The following STOML1 variants were observed in gnomAD, a reference collection of about 807,000 sequenced individuals.
STOML1 encodes the protein stomatin like 1, also known as stomatin-like protein 1.
In STOML1, 27 loss-of-function variants were observed where a neutral mutation model predicts 35.7. The ratio of observed to expected loss-of-function variants is 0.76; its 90% CI spans 0.56 to 1.04. The LOEUF is 1.04. Among genes scored for constraint, STOML1 ranks in the 50% least tolerant of loss-of-function variants. The pLI is 0.00. For missense variants in STOML1, 451 were observed against 527.1 expected, an observed-to-expected ratio of 0.86 and a Z score of 1.41; for synonymous variants, 219 against 227.9, an observed-to-expected ratio of 0.96 and a Z score of 0.35.
At chr15:73,989,752 T>C (rs758137550) in intron 2 of STOML1, among the ~76,000 whole-genome samples, 2 of 152,180 alleles carry the variant, frequency 1.3e-5, no homozygotes, top group African/African-American at 2.4e-5. Flanking sequence ...CAAGGTCACA[T>C]GGCATTTGTT....
rs2069039421 is a variant in STOML1 at position 73,984,839 on chromosome 15, G to A, written c.823C>T (p.Pro275Ser). Residue 275 changes from proline (P) to serine (S), a missense_variant, in exon 6 of 7, where the codon CCA (proline) becomes TCA (serine). Transcript: ENST00000541638. ...CTGGCACCAACTTGAGGGGCAGGTG[G>A]CTCAACTTCACTCACCATCTCCACG... is the stretch of plus-strand genomic sequence containing the variant. The part of the protein sequence containing the change: ...DTVEMVSEVE[P>S]PAPQVGARSS... 2 of 1,614,078 alleles carry A rather than the reference G, an allele frequency of 1.2e-6. No individual in the cohort carries two copies. The highest frequency in any genetic ancestry group is 4.5e-5 in the East Asian group (2 of 44,882).
In STOML1 at chr15:73,980,937, C is replaced by T. The variant is rs2068953498; in HGVS notation, c.*3000G>A. Reference sequence around the variant, plus strand: ...GTGGCACAACCTGTGGTCCCAGCTACTCAGGAAGCTGAGGCAAGAGGATCG... The same window carrying T: ...GTGGCACAACCTGTGGTCCCAGCTATTCAGGAAGCTGAGGCAAGAGGATCG... On this transcript the variant is annotated 3_prime_UTR_variant, in exon 7 of 7. Transcript: ENST00000541638. The T allele has an allele frequency of 6.6e-6, 1 of 152,124 alleles. No homozygotes were observed. Among genetic ancestry groups the T allele is most frequent in the Non-Finnish European group, 1.5e-5 (1 of 68,054 alleles). The allele number at this position is 152,124 out of a possible 1,614,324, so 9.4% of individuals were successfully genotyped here. A position where few individuals can be genotyped will look rare whatever the true frequency, so the allele number is the denominator to read the frequency against.
rs899547226 is a variant in STOML1, at chr15:73,988,522, C to T, written c.594+77G>A. ...AACTGAGGCCCAGAGTGGTCTGACT[C>T]TTTTCTCAAAGTGACCTGGCAGGTG... On this transcript the variant is annotated intron_variant, in intron 4 of 6. Transcript: ENST00000541638. This position sits in a 1 kb window ranked among gnomAD's most constrained non-coding sequence, Gnocchi z 4.8. The T allele has an allele frequency of 1.6e-5, 25 of 1,564,062 alleles. No individual in the cohort carries two copies. Among genetic ancestry groups the T allele is most frequent in the African/African-American group, 4.1e-5 (3 of 73,844 alleles).
rs2069035674 is a variant in STOML1, at chr15:73,984,771, A to G, written c.891T>C (p.Ala297=). ...KQPLAEGLLT[A]LQPFLSEALV... ...GGGCCTCAGACAGGAAGGGCTGTAG[A>G]GCAGTCAGTAGCCCCTCCGCCAGAG... Residue 297 remains alanine (A), a synonymous_variant, in exon 6 of 7, where the codon GCT becomes GCC. Coordinates refer to ENST00000541638, the MANE Select transcript of STOML1 (RefSeq NM_004809.5). The G allele has an allele frequency of 1.2e-6, 2 of 1,613,948 alleles. No individual in the cohort carries two copies. Among genetic ancestry groups the G allele is most frequent in the Non-Finnish European group, 1.7e-6 (2 of 1,180,038 alleles).
rs1346291416 is a variant in STOML1 at position 73,979,203 on chromosome 15, C to T, written c.*4734G>A. ...GCGGTTATGGAAAGGTCAGTGGCTGCTCAAAGCTGGAGGTGGCAAGCACTG... is the reference window on the plus strand; with the variant it reads ...GCGGTTATGGAAAGGTCAGTGGCTGTTCAAAGCTGGAGGTGGCAAGCACTG... On this transcript the variant is annotated 3_prime_UTR_variant, in exon 7 of 7. Transcript: ENST00000541638. 1.3e-5 allele frequency: 2 copies of T among 152,154 alleles called. No individual in the cohort carries two copies. The highest frequency in any genetic ancestry group is 4.8e-5 in the African/African-American group (2 of 41,422). 9.4% of individuals were successfully genotyped at this position (152,154 alleles called of 1,614,324 possible).
rs991550321 is a variant in STOML1 at position 73,983,169 on chromosome 15, C to G, written c.*768G>C. The G allele has an allele frequency of 3.9e-5, 6 of 152,268 alleles. No homozygotes were observed. The highest frequency in any genetic ancestry group is 1.4e-4 in the African/African-American group (6 of 41,424). The allele number at this position is 152,268 out of a possible 1,614,324, so 9.4% of individuals were successfully genotyped here. A position where few individuals can be genotyped will look rare whatever the true frequency, so the allele number is the denominator to read the frequency against. ...TGGCAGCATGGACCTTGTGGACCCTCCTAGCCCACCCCATGCCCCCAGGAG... is the reference window on the plus strand; with the variant it reads ...TGGCAGCATGGACCTTGTGGACCCTGCTAGCCCACCCCATGCCCCCAGGAG... On this transcript the variant is annotated 3_prime_UTR_variant, in exon 7 of 7. Coordinates refer to ENST00000541638, the MANE Select transcript of STOML1 (RefSeq NM_004809.5).
At position 73,981,215 on chromosome 15, in the gene STOML1, G is replaced by A. The variant is rs1325155125; in HGVS notation, c.*2722C>T. On this transcript the variant is annotated 3_prime_UTR_variant, in exon 7 of 7. Transcript: ENST00000541638. ...TACTAAAAATACAAAAATTAACCAG[G>A]TGTGGTGGTATGCGCCTATAATCCT... 1 of 152,124 alleles carries A rather than the reference G, an allele frequency of 6.6e-6. No individual in the cohort carries two copies. The highest frequency in any genetic ancestry group is 1.5e-5 in the Non-Finnish European group (1 of 68,068). The allele number at this position is 152,124 out of a possible 1,614,324, so 9.4% of individuals were successfully genotyped here.
intron 4 of STOML1, 173 bp from the exon 5 acceptor site, chr15:73,985,686 C>A: frequency 1.3e-6 from 1 of 758,294 alleles, no homozygotes; most frequent in South Asian, 2.2e-5. Flanking sequence ...TGGTAAGTGC[C>A]AAGACAGAAG....
In STOML1 at chr15:73,990,978, G is replaced by A. The variant is rs974060010; in HGVS notation, c.134-521C>T. ...GATAAATCATAAATAGCTTATCAAC[G>A]GGAGCCACAGATGAGGAATTAGATT... is the stretch of plus-strand genomic sequence containing the variant. On this transcript the variant is annotated intron_variant, in intron 1 of 6. Coordinates refer to ENST00000541638, the MANE Select transcript of STOML1 (RefSeq NM_004809.5). The A allele has an allele frequency of 4.0e-5, 57 of 1,437,464 alleles. No homozygotes were observed. In the South Asian group the frequency reaches 5.4e-4, roughly 14 times the overall value. 89.0% of individuals were successfully genotyped at this position (1,437,464 alleles called of 1,614,324 possible).
At chr15:73,992,379 C>T (rs954968624), upstream of STOML1, 17 of 815,310 alleles carry the variant, frequency 2.1e-5, no homozygotes, top group African/African-American at 3.1e-4. Context: ...GGCCGGGGCC[C>T]GCTTCCGCCG....
At position 73,982,157 on chromosome 15, in the gene STOML1, T is replaced by TGCAGGAAGCTCCCAGTCCA. The variant is rs2068968175; in HGVS notation, c.*1761_*1779dup. 1 of 152,532 alleles carries TGCAGGAAGCTCCCAGTCCA rather than the reference T, an allele frequency of 6.6e-6. No homozygotes were observed. The highest frequency in any genetic ancestry group is 2.4e-5 in the African/African-American group (1 of 41,448). The allele number at this position is 152,532 out of a possible 1,614,324, so 9.4% of individuals were successfully genotyped here. On this transcript the variant is annotated 3_prime_UTR_variant, in exon 7 of 7. Coordinates refer to ENST00000541638, the MANE Select transcript of STOML1 (RefSeq NM_004809.5). ...GAAGGAATCCACAGGTGAATGCTGA[T>TGCAGGAAGCTCCCAGTCCA]GCAGGAAGCTCCCAGTCCAGCAGGG...
intron 3 of STOML1, 81 bp downstream of exon 3, chr15:73,989,027 C>G: frequency 6.6e-7 from 1 of 1,514,392 alleles, no homozygotes; most frequent in Non-Finnish European, 8.8e-7. Flanking sequence ...GATGGTGACT[C>G]ACAGGCTGAG....
chr15:73,992,272 G>T lies in STOML1; in HGVS notation c.-49C>A. 6.4e-7 allele frequency: 1 copy of T among 1,552,984 alleles called. No homozygotes were observed. Among genetic ancestry groups the T allele is most frequent in the South Asian group, 1.2e-5 (1 of 84,932 alleles). ...CGCGCCTCCGCGCGGCGCCCTCCCT[G>T]GCCAGTGGGCCCTACGCGGCCCCGC... On this transcript the variant is annotated 5_prime_UTR_variant, in exon 1 of 7. Coordinates refer to ENST00000541638, the MANE Select transcript of STOML1 (RefSeq NM_004809.5).
chr15:73,981,489 G>C lies in STOML1; in HGVS notation c.*2448C>G, dbSNP rs2068960337. ...AATATAATAAGAAGTGTCTAGTCCGGTATAAGGACATATTTGGCACACAGT... is the reference window on the plus strand; with the variant it reads ...AATATAATAAGAAGTGTCTAGTCCGCTATAAGGACATATTTGGCACACAGT... On this transcript the variant is annotated 3_prime_UTR_variant, in exon 7 of 7. Coordinates refer to ENST00000541638, the MANE Select transcript of STOML1 (RefSeq NM_004809.5). 6.6e-6 allele frequency: 1 copy of C among 152,100 alleles called. No homozygotes were observed. The highest frequency in any genetic ancestry group is 2.4e-5 in the African/African-American group (1 of 41,400). The allele number at this position is 152,100 out of a possible 1,614,324, so 9.4% of individuals were successfully genotyped here. A position where few individuals can be genotyped will look rare whatever the true frequency, so the allele number is the denominator to read the frequency against.
At chr15:73,991,750 G>A (rs80046108) in intron 1 of STOML1, 1 of 529,056 alleles carries the variant, frequency 1.9e-6, no homozygotes, top group East Asian at 4.7e-5. Context: ...GGCCTCCTCT[G>A]CCTAGACCTC....
chr15:73,990,837 T>C, intron 1 of STOML1: 1 of 1,535,734 alleles, frequency 6.5e-7, no homozygotes, highest in South Asian at 1.2e-5. Context: ...CAGGAGCACC[T>C]GGGCATCTGT....
Position 73,979,429 on chromosome 15 carries a change from G to A in STOML1, c.*4508C>T, listed in dbSNP as rs146521451. 0.035 allele frequency: 5,355 copies of A among 152,262 alleles called. 111 individuals carry two copies. Among genetic ancestry groups the A allele is most frequent in the Non-Finnish European group, 0.038 (2,593 of 68,032 alleles). The allele number at this position is 152,262 out of a possible 1,614,324, so 9.4% of individuals were successfully genotyped here. On this transcript the variant is annotated 3_prime_UTR_variant, in exon 7 of 7. Transcript: ENST00000541638. ...TGCAGTGGCATGATCTCAACTCACT[G>A]CAACTTCCACCTCCTGGGTTCAAGC...
intron 1 of STOML1, 98 bp downstream of exon 1, chr15:73,991,993 G>T (rs1158997080): frequency 6.2e-6 from 9 of 1,442,386 alleles, no homozygotes; most frequent in Non-Finnish European, 8.2e-6. Flanking sequence ...CGTAGGGTGC[G>T]ACGGCACCGG....
chr15:73,987,338 G>C (rs1334942709), intron 4 of STOML1: 2 of 152,314 alleles, frequency 1.3e-5, no homozygotes, highest in Non-Finnish European at 2.9e-5. Flanking sequence ...TGGACCTCCT[G>C]AGGTTCTGTC....
Sources: allele counts gnomAD v4.1 joint callset (sites outside exome capture counted in the v4.1 genomes callset), GRCh38; gene constraint gnomAD v4.1.1; non-coding constraint Gnocchi (gnomAD v3.1); transcripts MANE v1.5; gene names NCBI Gene and HGNC (gene_info 2026-07-23, HGNC 2026-07-21).